PDE10A: variants seen among roughly 807,000 people sequenced by gnomAD.
The protein encoded by PDE10A is phosphodiesterase 10A.
A neutral mutation model predicts 97.7 loss-of-function variants in PDE10A; 39 were observed. That is an observed-to-expected ratio of 0.40 (90% CI 0.31 to 0.52). The LOEUF (loss-of-function observed/expected upper bound fraction) is 0.52. PDE10A is among the 20% of genes least tolerant of loss of function. The probability of loss-of-function intolerance (pLI) is 0.56; values close to 1 mark genes in which losing one functional copy is unlikely to be tolerated. For missense variants in PDE10A, 731 were observed against 1,047.8 expected, an observed-to-expected ratio of 0.70 and a Z score of 4.17; for synonymous variants, 371 against 376.8, an observed-to-expected ratio of 0.98 and a Z score of 0.18.
intron 18 of PDE10A, among the ~76,000 whole-genome samples, chr6:165,359,725 T>C (rs1783262938): frequency 6.6e-6 from 1 of 152,214 alleles, no homozygotes; most frequent in Admixed American, 6.5e-5. Context: ...TTCCTGCTTC[T>C]TTATATTTGT....
chr6:165,470,766 G>C (rs1366889682), intron 3 of PDE10A, among the ~76,000 whole-genome samples: 2 of 151,736 alleles, frequency 1.3e-5, no homozygotes, highest in Non-Finnish European at 2.9e-5. Context: ...CTGGGAGGCT[G>C]ACAGGGCCTC....
chr6:165,480,378 AG>A (rs1430962615), intron 3 of PDE10A, among the ~76,000 whole-genome samples: 1 of 152,082 alleles, frequency 6.6e-6, no homozygotes, highest in Non-Finnish European at 1.5e-5. Flanking sequence ...ACTTGAGCCC[AG>A]GAGTTCAACA....
chr6:165,663,803 G>A (rs1790416667), upstream of PDE10A, among the ~76,000 whole-genome samples: 1 of 152,156 alleles, frequency 6.6e-6, no homozygotes, highest in Non-Finnish European at 1.5e-5. Flanking sequence ...TGCGATCATT[G>A]CCCCAAACCC....
At position 165,644,148 on chromosome 6, in the gene PDE10A, C is replaced by T. The variant is rs544382417; in HGVS notation, c.865+17799G>A. On this transcript the variant is annotated intron_variant, in intron 1 of 21. Transcript: ENST00000539869. ...TTGGCTCACTGCAAGCTCCGCCTCC[C>T]GGGTTCATGCCATTGTCCTGCCTCA... is the stretch of plus-strand genomic sequence containing the variant. 7.9e-5 allele frequency among the ~76,000 whole-genome samples: 12 copies of T among 152,224 alleles called. 1 individual carries two copies. In the South Asian group the frequency reaches 2.1e-3, roughly 26 times the overall value.
intron 10 of PDE10A, among the ~76,000 whole-genome samples, chr6:165,425,708 A>T (rs1789079193): frequency 6.6e-6 from 1 of 151,950 alleles, no homozygotes; most frequent in Admixed American, 6.6e-5. Context: ...AGAAAAAGAA[A>T]GAAAACACAT....
Position 165,477,252 on chromosome 6 carries a change from C to T in PDE10A, c.1023+5063G>A, listed in dbSNP as rs145185490. Among the ~76,000 whole-genome samples, 12 of 152,268 alleles carry T rather than the reference C, an allele frequency of 7.9e-5. No individual in the cohort carries two copies. In the East Asian group the frequency reaches 1.5e-3, roughly 20 times the overall value. Reference sequence around the variant, plus strand: ...ACCATCTGCATGGAAAGCTCCTACCCGGTTCTCAGCATGGTTCACTCCTTC... The same window carrying T: ...ACCATCTGCATGGAAAGCTCCTACCTGGTTCTCAGCATGGTTCACTCCTTC... On this transcript the variant is annotated intron_variant, in intron 3 of 21. Coordinates refer to ENST00000539869, the MANE Select transcript of PDE10A (RefSeq NM_001385079.1).
intron 1 of PDE10A, among the ~76,000 whole-genome samples, chr6:165,773,874 C>T (rs930378136): frequency 2.6e-5 from 4 of 151,998 alleles, no homozygotes; most frequent in African/African-American, 9.7e-5. Flanking sequence ...TAGCCCTGAA[C>T]CCTGAAAATC....
intron 20 of PDE10A, among the ~76,000 whole-genome samples, chr6:165,338,707 C>G (rs956938218): frequency 3.3e-5 from 5 of 152,156 alleles, no homozygotes; most frequent in African/African-American, 1.2e-4. Context: ...TAAAACAATT[C>G]AAATTCATCC....
At position 165,327,771 on chromosome 6, in the gene PDE10A, T is replaced by C. The variant is rs1781126272; in HGVS notation, c.*5254A>G. 6.6e-6 allele frequency: 1 copy of C among 152,256 alleles called. No homozygotes were observed. The highest frequency in any genetic ancestry group is 1.5e-5 in the Non-Finnish European group (1 of 68,046). 9.4% of individuals were successfully genotyped at this position (152,256 alleles called of 1,614,324 possible). Reference sequence around the variant, plus strand: ...TATGATAAAGTTAGATACTGTTAACTTGAAATTCTTTCTCCTTCCAATAGA... The same window carrying C: ...TATGATAAAGTTAGATACTGTTAACCTGAAATTCTTTCTCCTTCCAATAGA... On this transcript the variant is annotated 3_prime_UTR_variant, in exon 22 of 22. Transcript: ENST00000539869.
chr6:165,903,753 A>T (rs370834822), intron 1 of PDE10A, among the ~76,000 whole-genome samples: 2 of 152,058 alleles, frequency 1.3e-5, no homozygotes, highest in East Asian at 3.9e-4. Context: ...ACAAAAAAAA[A>T]GCTGAGTACT....
At chr6:165,415,138 A>T (rs1788217635) in intron 12 of PDE10A, among the ~76,000 whole-genome samples, 1 of 152,196 alleles carries the variant, frequency 6.6e-6, no homozygotes, top group South Asian at 2.1e-4. Context: ...TAATAGTCTG[A>T]CTCATACATT....
chr6:165,949,683 T>G (rs1057421329), intron 1 of PDE10A: 3 of 152,220 alleles, frequency 2.0e-5, no homozygotes, highest in Non-Finnish European at 4.4e-5. Flanking sequence ...ATACACATGT[T>G]ATGCATTCAT....
chr6:165,660,099 A>G (rs1790164002), intron 1 of PDE10A: 1 of 152,394 alleles, frequency 6.6e-6, no homozygotes, highest in African/African-American at 2.4e-5. Context: ...TTCTTAAGAA[A>G]GAATTCACAA....
intron 1 of PDE10A, among the ~76,000 whole-genome samples, chr6:165,774,584 T>C (rs550801951): frequency 3.4e-5 from 5 of 147,856 alleles, no homozygotes; most frequent in Admixed American, 6.8e-5. Context: ...TTTTATATAC[T>C]ATATGTATAT....
At chr6:165,625,994 TG>T (rs1165261376) in intron 1 of PDE10A, among the ~76,000 whole-genome samples, 4 of 152,134 alleles carry the variant, frequency 2.6e-5, no homozygotes, top group Non-Finnish European at 4.4e-5. Context: ...TGGGACTAAG[TG>T]GGCGAAGAGA....
In PDE10A at chr6:165,920,593, AT is replaced by A. The variant is rs1428762768; in HGVS notation, c.-615+66935del. Among the ~76,000 whole-genome samples the A allele has an allele frequency of 2.6e-5, 4 of 151,954 alleles. No individual in the cohort carries two copies. The East Asian group carries it at 7.7e-4, about 29-fold the overall frequency. ...ACTTACACATACCTGCTTACTATAC[AT>A]TTCAGGACAAATATAAAAGTCAGCA... On this transcript the variant is annotated intron_variant, in intron 1 of 19. Coordinates refer to the PDE10A transcript ENST00000366882.
chr6:165,947,970 A>T (rs1411173686), intron 1 of PDE10A, among the ~76,000 whole-genome samples: 1 of 151,964 alleles, frequency 6.6e-6, no homozygotes, highest in African/African-American at 2.4e-5. Flanking sequence ...TCAGAATATT[A>T]TATGTAAATT....
intron 2 of PDE10A, among the ~76,000 whole-genome samples, chr6:165,530,606 T>G (rs1165665000): frequency 3.5e-5 from 2 of 57,306 alleles, no homozygotes; most frequent in African/African-American, 6.4e-5. Context: ...CACCTGCACA[T>G]GTACCCCCCC....
At chr6:165,491,975 AG>A (rs1175682665) in intron 2 of PDE10A, among the ~76,000 whole-genome samples, 2 of 151,888 alleles carry the variant, frequency 1.3e-5, no homozygotes, top group Non-Finnish European at 2.9e-5. Flanking sequence ...AGATTAACCA[AG>A]AAAAGAAGAG....
Sources: allele counts gnomAD v4.1 joint callset (sites outside exome capture counted in the v4.1 genomes callset), GRCh38; gene constraint gnomAD v4.1.1; transcripts MANE v1.5; gene names NCBI Gene and HGNC (gene_info 2026-07-23, HGNC 2026-07-21).